NSF: variants seen among roughly 807,000 people sequenced by gnomAD.
The protein encoded by NSF is N-ethylmaleimide sensitive factor, vesicle fusing ATPase, also known as vesicle-fusing ATPase.
NSF carries 14 observed loss-of-function variants against 50.3 expected under a neutral mutation model. The observed-to-expected ratio is 0.28, with a 90% CI of 0.18 to 0.44. The LOEUF (loss-of-function observed/expected upper bound fraction) is 0.44. Ranked by LOEUF, NSF falls within the 20% of genes least tolerant of loss-of-function variation. The probability of loss-of-function intolerance (pLI) is 1.00; values close to 1 mark genes in which losing one functional copy is unlikely to be tolerated. For missense variants in NSF, 218 were observed against 504.3 expected (o/e 0.43, Z 5.44); for synonymous variants, 109 against 175.7 (o/e 0.62, Z 3.00).
Position 46,755,771 on chromosome 17 carries a change from GT to G in NSF, c.2214-24del, listed in dbSNP as rs770897294. The G allele has an allele frequency of 5.5e-6, 8 of 1,459,972 alleles. No individual in the cohort carries two copies. In the African/African-American group the frequency reaches 1.1e-4, roughly 20 times the overall value. The allele number at this position is 1,459,972 out of a possible 1,614,324, so 90.4% of individuals were successfully genotyped here. On this transcript the variant is annotated intron_variant, in intron 20 of 20. Coordinates refer to ENST00000398238, the MANE Select transcript of NSF (RefSeq NM_006178.4). The stretch of plus-strand genomic sequence containing the variant: ...AATAGTTTTTTACGGACCCTCATCT[GT>G]TTTTTTGTGTTTTGGTATTTCTTTT...
At chr17:46,739,459 A>C (rs1336576157) in intron 17 of NSF, among the ~76,000 whole-genome samples, 1 of 149,664 alleles carries the variant, frequency 6.7e-6, no homozygotes, top group Non-Finnish European at 1.5e-5. Context: ...GAATCACCTG[A>C]GCCCAGGAGG....
In NSF at chr17:46,740,173, A is replaced by G. The variant is rs2059055525; in HGVS notation, c.1909-9600A>G. Among the ~76,000 whole-genome samples, 4 of 152,096 alleles carry G rather than the reference A, an allele frequency of 2.6e-5. No individual in the cohort carries two copies. In the South Asian group the frequency reaches 8.3e-4, roughly 32 times the overall value. On this transcript the variant is annotated intron_variant, in intron 17 of 20. Transcript: ENST00000398238. ...TTTCTGGTTCTTGGCTGTGCTCTGG[A>G]TAGTTGAAATTGTTTAGCAGATTGG... is the stretch of plus-strand genomic sequence containing the variant.
intron 15 of NSF, among the ~76,000 whole-genome samples, chr17:46,714,588 C>A (rs1325035373): frequency 6.6e-6 from 1 of 152,154 alleles, no homozygotes. Context: ...GCTGAAAAGA[C>A]TGTAAGACCA....
intron 17 of NSF, among the ~76,000 whole-genome samples, chr17:46,742,934 G>A (rs1160297134): frequency 1.3e-5 from 2 of 152,168 alleles, no homozygotes; most frequent in Non-Finnish European, 2.9e-5. Flanking sequence ...AATGAAGCCA[G>A]GTTAAGTGAT....
chr17:46,724,771 G>T (rs1196986381), intron 15 of NSF, among the ~76,000 whole-genome samples: 2 of 152,050 alleles, frequency 1.3e-5, no homozygotes, highest in African/African-American at 4.8e-5. Context: ...AAAAATATTT[G>T]TTGAGTGAGT....
chr17:46,742,199 C>T (rs199443), intron 17 of NSF, among the ~76,000 whole-genome samples: 22,630 of 152,084 alleles, frequency 0.15, 1,992 homozygotes, highest in Non-Finnish European at 0.2. Flanking sequence ...GCATACATGC[C>T]GTTCATTCTA....
At chr17:46,734,505 T>G (rs2058980985) in intron 17 of NSF, among the ~76,000 whole-genome samples, 1 of 152,188 alleles carries the variant, frequency 6.6e-6, no homozygotes, top group Non-Finnish European at 1.5e-5. Flanking sequence ...CTTAGTATAG[T>G]AGATTTTCTT....
chr17:46,717,803 C>T (rs1439418427), intron 15 of NSF, among the ~76,000 whole-genome samples: 3 of 152,068 alleles, frequency 2.0e-5, no homozygotes, highest in Admixed American at 1.3e-4. Context: ...CAGCGGCAAG[C>T]GAACAAGGTG....
chr17:46,635,812 T>C lies in NSF; in HGVS notation c.239-1564T>C, dbSNP rs2058181838. Among the ~76,000 whole-genome samples the C allele has an allele frequency of 1.4e-5, 2 of 142,540 alleles. 1 individual carries two copies. Among genetic ancestry groups the C allele is most frequent in the African/African-American group, 5.1e-5 (2 of 38,908 alleles). The allele number at this position is 142,540 out of a possible 152,430, so 93.5% of individuals were successfully genotyped here. On this transcript the variant is annotated intron_variant, in intron 4 of 20. Coordinates refer to ENST00000398238, the MANE Select transcript of NSF (RefSeq NM_006178.4). ...GTGTGTGTGTGTGTGTGTGTGTGTG[T>C]GTGTGTGCTCGTGTGTGAAGCCTTA...
chr17:46,708,383 CCTAATGAATA>C (rs2058677557), intron 13 of NSF, among the ~76,000 whole-genome samples: 1 of 151,968 alleles, frequency 6.6e-6, no homozygotes, highest in Non-Finnish European at 1.5e-5. Context: ...TAGTAGCCAT[CCTAATGAATA>C]TGAAGTGACA....
At chr17:46,733,948 G>T (rs2058975150) in intron 17 of NSF, among the ~76,000 whole-genome samples, 1 of 152,202 alleles carries the variant, frequency 6.6e-6, no homozygotes, top group Non-Finnish European at 1.5e-5. Flanking sequence ...AAAGCTTGGA[G>T]GACCTAAGGT....
chr17:46,749,250 G>C (rs914475656), intron 17 of NSF, among the ~76,000 whole-genome samples: 1 of 152,088 alleles, frequency 6.6e-6, no homozygotes, highest in Non-Finnish European at 1.5e-5. Context: ...ATATTTTGGG[G>C]TTAAAAGTAA....
chr17:46,735,686 T>TTTAC (rs1232136826), intron 17 of NSF, among the ~76,000 whole-genome samples: 3 of 152,168 alleles, frequency 2.0e-5, no homozygotes, highest in Non-Finnish European at 4.4e-5. Flanking sequence ...GGCTCATGCC[T>TTTAC]GTAATCCCAG....
intron 13 of NSF, among the ~76,000 whole-genome samples, chr17:46,710,530 T>C (rs2058709274): frequency 1.3e-5 from 2 of 152,252 alleles, no homozygotes; most frequent in Admixed American, 1.3e-4. Context: ...TACCATTTCG[T>C]ATTCTCATGT....
At chr17:46,660,947 ATGAAT>A (rs1183685248) in intron 8 of NSF, among the ~76,000 whole-genome samples, 1 of 33,452 alleles carries the variant, frequency 3.0e-5, no homozygotes, top group Non-Finnish European at 5.6e-5. Flanking sequence ...TTTTACTGAA[ATGAAT>A]TCTTGAAATG....
chr17:46,707,735 A>G (rs1039538994), intron 13 of NSF, among the ~76,000 whole-genome samples: 4 of 152,104 alleles, frequency 2.6e-5, no homozygotes, highest in African/African-American at 9.7e-5. Context: ...AGGCTGGATA[A>G]TACTCCATTA....
intron 17 of NSF, among the ~76,000 whole-genome samples, chr17:46,729,446 G>A (rs536820157): frequency 3.2e-4 from 49 of 152,240 alleles, no homozygotes; most frequent in African/African-American, 1.0e-3. Context: ...TTATAGCCAG[G>A]ATCTTGATTC....
intron 14 of NSF, among the ~76,000 whole-genome samples, 179 bp downstream of exon 14, chr17:46,711,298 G>A (rs1025780220): frequency 4.6e-5 from 7 of 152,156 alleles, no homozygotes; most frequent in African/African-American, 1.4e-4. Context: ...TTTTCTTGGG[G>A]TAGAATGTTA....
chr17:46,638,527 G>A (rs1298189139), intron 5 of NSF, among the ~76,000 whole-genome samples: 1 of 41,238 alleles, frequency 2.4e-5, no homozygotes, highest in African/African-American at 1.5e-4. Context: ...ACAGGCATGC[G>A]CCACCACACC....
Sources: gnomAD v4.1 joint callset for allele counts (sites outside exome capture counted in the v4.1 genomes callset) on GRCh38, gnomAD v4.1.1 for gene constraint, MANE v1.5 for transcripts, NCBI Gene and HGNC (gene_info 2026-07-23, HGNC 2026-07-21) for gene names.